Variants in SLC25A26 observed in about 807,000 individuals in gnomAD.
SLC25A26 encodes mitochondrial S-adenosylmethionine carrier protein.
Under a neutral mutation model 37.8 loss-of-function variants are expected in SLC25A26, and 36 were observed. That is an observed-to-expected ratio of 0.95 (90% confidence interval 0.73 to 1.26). The LOEUF is 1.26. Among genes scored for constraint, SLC25A26 ranks in the 50% most tolerant of loss-of-function variants. The pLI is 0.00. For synonymous variants in SLC25A26, 129 were observed against 122.5 expected, an observed-to-expected ratio of 1.05 and a Z score of -0.35; for missense variants, 390 against 331.1, an observed-to-expected ratio of 1.18 and a Z score of -1.38.
chr3:66,360,707 G>A (rs181569148), intron 6 of SLC25A26, among the ~76,000 whole-genome samples: 1 of 152,290 alleles, frequency 6.6e-6, no homozygotes, highest in East Asian at 1.9e-4. Flanking sequence ...CAAAACCAGT[G>A]CAAGACCTGT....
chr3:66,143,779 GC>G (rs2070073051), intron 1 of SLC25A26, among the ~76,000 whole-genome samples: 1 of 152,162 alleles, frequency 6.6e-6, no homozygotes, highest in Admixed American at 6.5e-5. Context: ...AGCTATTCAG[GC>G]TGAGATAGGA....
chr3:66,340,016 C>G (rs1303859697), intron 5 of SLC25A26, among the ~76,000 whole-genome samples: 1 of 151,100 alleles, frequency 6.6e-6, no homozygotes, highest in South Asian at 2.1e-4. Flanking sequence ...CTTTCATCCA[C>G]TTTAATTTTT....
At chr3:66,357,297 C>CGGACT (rs1448030415) in intron 6 of SLC25A26, among the ~76,000 whole-genome samples, 19 of 152,082 alleles carry the variant, frequency 1.2e-4, no homozygotes, top group Non-Finnish European at 2.2e-4. Flanking sequence ...GCCCATAGTC[C>CGGACT]CAGTTACTCA....
At position 66,377,690 on chromosome 3, in the gene SLC25A26, A is replaced by T; in HGVS notation, c.708A>T (p.Gly236=). ...HGVWRSQGLA[G]LFAGVFPRMA... is the part of the protein sequence containing the mutation. Reference sequence around the variant, plus strand: ...TTAAAAATCCTGTTTTTTCCCCTAGATTATTTGCAGGTGTCTTCCCTCGAA... The same window carrying T: ...TTAAAAATCCTGTTTTTTCCCCTAGTTTATTTGCAGGTGTCTTCCCTCGAA... The change falls in exon 10 of 10, where the codon GGA becomes GGT. Residue 236 remains glycine (G), a splice_region_variant and synonymous_variant. Coordinates refer to ENST00000354883, the MANE Select transcript of SLC25A26 (RefSeq NM_001379210.1). 6.2e-7 allele frequency: 1 copy of T among 1,611,182 alleles called. No individual in the cohort carries two copies. Among genetic ancestry groups the T allele is most frequent in the Non-Finnish European group, 8.5e-7 (1 of 1,178,046 alleles).
intron 6 of SLC25A26, among the ~76,000 whole-genome samples, chr3:66,352,387 G>C (rs2076473187): frequency 6.6e-6 from 1 of 151,200 alleles, no homozygotes; most frequent in African/African-American, 2.5e-5. Context: ...CGGCCACGTT[G>C]CGCTGACTGT....
intron 5 of SLC25A26, among the ~76,000 whole-genome samples, chr3:66,280,150 A>G (rs1488484287): frequency 3.3e-5 from 5 of 152,160 alleles, no homozygotes; most frequent in African/African-American, 4.8e-5. Context: ...ACACATCTCA[A>G]TCATTAAGTT....
intron 5 of SLC25A26, among the ~76,000 whole-genome samples, chr3:66,271,718 C>G (rs1425935176): frequency 6.6e-6 from 1 of 152,208 alleles, no homozygotes; most frequent in African/African-American, 2.4e-5. Flanking sequence ...ACCCTTCCAG[C>G]TAAAGTTTCA....
intron 5 of SLC25A26, among the ~76,000 whole-genome samples, chr3:66,318,361 A>G (rs73131858): frequency 0.032 from 4,937 of 152,256 alleles, 116 homozygotes; most frequent in Non-Finnish European, 0.05. Flanking sequence ...TGGGAAAAGC[A>G]TGGCTTTCAG....
intron 5 of SLC25A26, among the ~76,000 whole-genome samples, chr3:66,314,946 ATT>A (rs1293153697): frequency 6.6e-6 from 1 of 151,130 alleles, no homozygotes; most frequent in Admixed American, 6.6e-5. Context: ...CATTGTTTGT[ATT>A]TCTGTGGGGT....
intron 5 of SLC25A26, among the ~76,000 whole-genome samples, chr3:66,295,024 A>C (rs186373112): frequency 2.6e-4 from 39 of 152,322 alleles, no homozygotes; most frequent in African/African-American, 7.5e-4. Flanking sequence ...ACGTATGCTG[A>C]ATCTCATAAA....
rs146896970 is a variant in SLC25A26, at chr3:66,226,855, C to T, written c.33+5728C>T. Among the ~76,000 whole-genome samples the T allele has an allele frequency of 8.2e-3, 968 of 117,576 alleles. 12 individuals carry two copies. Among genetic ancestry groups the T allele is most frequent in the African/African-American group, 0.031 (932 of 30,372 alleles). The allele number at this position is 117,576 out of a possible 152,430, so 77.1% of individuals were successfully genotyped here. A position where few individuals can be genotyped will look rare whatever the true frequency, so the allele number is the denominator to read the frequency against. On this transcript the variant is annotated intron_variant, in intron 1 of 9. Coordinates refer to ENST00000354883, the MANE Select transcript of SLC25A26 (RefSeq NM_001379210.1). Reference sequence around the variant, plus strand: ...CCTGGCCCACCCTAAGAATTTTTGTCAAAACATTAAAAACGCTTTGGTTGT... The same window carrying T: ...CCTGGCCCACCCTAAGAATTTTTGTTAAAACATTAAAAACGCTTTGGTTGT...
At chr3:66,329,977 A>G (rs2075932913) in intron 5 of SLC25A26, among the ~76,000 whole-genome samples, 1 of 152,202 alleles carries the variant, frequency 6.6e-6, no homozygotes, top group South Asian at 2.1e-4. Context: ...GTCAGTAAAT[A>G]ATCACAGAGA....
Position 66,221,046 on chromosome 3 carries a change from C to A in SLC25A26, c.-49C>A, listed in dbSNP as rs782552202. ...GGCGCCCAGCGCGCGAGGACGTGATCCGCTTCTGCTCCGGCTTGGATTGTA... is the reference window on the plus strand; with the variant it reads ...GGCGCCCAGCGCGCGAGGACGTGATACGCTTCTGCTCCGGCTTGGATTGTA... On this transcript the variant is annotated 5_prime_UTR_variant, in exon 1 of 10. Transcript: ENST00000354883. 1.5e-5 allele frequency: 23 copies of A among 1,533,912 alleles called. No homozygotes were observed. Among genetic ancestry groups the A allele is most frequent in the East Asian group, 2.5e-5 (1 of 40,674 alleles).
chr3:66,325,198 T>G (rs151241139), intron 5 of SLC25A26, among the ~76,000 whole-genome samples: 1 of 152,298 alleles, frequency 6.6e-6, no homozygotes, highest in Non-Finnish European at 1.5e-5. Flanking sequence ...GTAAGGCATA[T>G]ATTCAGTGAA....
At chr3:66,173,551 T>C (rs975446209) in intron 1 of SLC25A26, among the ~76,000 whole-genome samples, 20 of 152,368 alleles carry the variant, frequency 1.3e-4, no homozygotes, top group African/African-American at 4.1e-4. Flanking sequence ...GTAAGGTGCC[T>C]TGCAGATGTG....
At chr3:66,222,500 A>G (rs917041780) in intron 1 of SLC25A26, among the ~76,000 whole-genome samples, 13 of 152,156 alleles carry the variant, frequency 8.5e-5, no homozygotes, top group African/African-American at 3.1e-4. Context: ...GCTTTTAAGG[A>G]GCTTTCCTGT....
intron 5 of SLC25A26, among the ~76,000 whole-genome samples, chr3:66,345,757 T>G (rs971866418): frequency 1.3e-5 from 2 of 152,198 alleles, no homozygotes. Context: ...CCTTGGCTCT[T>G]AAGCACAGAA....
chr3:66,322,226 A>G (rs778949725), intron 5 of SLC25A26, among the ~76,000 whole-genome samples: 2 of 152,188 alleles, frequency 1.3e-5, no homozygotes, highest in Non-Finnish European at 2.9e-5. Flanking sequence ...TAAGGAAGGA[A>G]TCCTTTGTTA....
intron 5 of SLC25A26, among the ~76,000 whole-genome samples, chr3:66,325,180 T>C (rs72902956): frequency 0.011 from 1,622 of 152,248 alleles, 27 homozygotes; most frequent in African/African-American, 0.036. Flanking sequence ...CTTCAGTTTA[T>C]GGGAGACGTA....
Sources: gnomAD v4.1 joint callset for allele counts (sites outside exome capture counted in the v4.1 genomes callset) on GRCh38, gnomAD v4.1.1 for gene constraint, MANE v1.5 for transcripts, NCBI Gene and HGNC (gene_info 2026-07-23, HGNC 2026-07-21) for gene names.